MAML3: variants seen among roughly 807,000 people sequenced by gnomAD.
MAML3 encodes the protein mastermind-like protein 3.
In MAML3, 27 loss-of-function variants were observed where a neutral mutation model predicts 101.9. That is an observed-to-expected ratio of 0.27 (90% CI 0.20 to 0.37). MAML3 has a LOEUF of 0.37. Among genes scored for constraint, MAML3 ranks in the 10% least tolerant of loss-of-function variants. MAML3 has a pLI of 1.00. For synonymous variants in MAML3, 501 were observed against 555.9 expected, an observed-to-expected ratio of 0.90 and a Z score of 1.39; for missense variants, 1,316 against 1,444.9, an observed-to-expected ratio of 0.91 and a Z score of 1.45.
chr4:139,749,893 C>CTG (rs200742410), intron 2 of MAML3, among the ~76,000 whole-genome samples: 2 of 141,132 alleles, frequency 1.4e-5, no homozygotes, highest in African/African-American at 5.3e-5. Flanking sequence ...GAACCCCCCC[C>CTG]CACCCTATTC....
At chr4:140,106,876 G>T (rs1437364068) in intron 1 of MAML3, among the ~76,000 whole-genome samples, 1 of 152,100 alleles carries the variant, frequency 6.6e-6, no homozygotes, top group Non-Finnish European at 1.5e-5. Context: ...GGTGGTGTTT[G>T]TTTGTTTTTT....
chr4:139,797,024 A>G (rs572610583), intron 2 of MAML3, among the ~76,000 whole-genome samples: 1 of 152,244 alleles, frequency 6.6e-6, no homozygotes, highest in African/African-American at 2.4e-5. Context: ...GATTGCTGTG[A>G]GGTCTAAAAG....
intron 1 of MAML3, among the ~76,000 whole-genome samples, chr4:140,139,559 G>A (rs1218422766): frequency 6.6e-6 from 1 of 152,124 alleles, no homozygotes; most frequent in Non-Finnish European, 1.5e-5. Flanking sequence ...GTAAGGTTAA[G>A]ATTTGATTTT....
intron 1 of MAML3, among the ~76,000 whole-genome samples, chr4:140,038,844 A>G (rs1316426523): frequency 6.6e-6 from 1 of 152,186 alleles, no homozygotes; most frequent in African/African-American, 2.4e-5. Context: ...TAATACTAAG[A>G]TAAGGCCTGG....
chr4:139,835,370 A>T (rs1275889046), intron 2 of MAML3, among the ~76,000 whole-genome samples: 1 of 152,232 alleles, frequency 6.6e-6, no homozygotes, highest in Non-Finnish European at 1.5e-5. Context: ...GACTAAAGAC[A>T]TGTGAGCTCA....
intron 1 of MAML3, among the ~76,000 whole-genome samples, chr4:139,949,331 T>TA (rs1733793769): frequency 6.6e-6 from 1 of 152,164 alleles, no homozygotes. Context: ...AGAAATTAAT[T>TA]AGTCTCAGAC....
Position 139,890,183 on chromosome 4 carries a change from G to A in MAML3, c.1253C>T (p.Pro418Leu). 6.2e-7 allele frequency: 1 copy of A among 1,613,434 alleles called. No individual in the cohort carries two copies. Among genetic ancestry groups the A allele is most frequent in the East Asian group, 2.2e-5 (1 of 44,890 alleles). Residue 418 changes from proline (P) to leucine (L), a missense_variant, in exon 2 of 5, where the codon CCT (proline) becomes CTT (leucine). Coordinates refer to ENST00000509479, the MANE Select transcript of MAML3 (RefSeq NM_018717.5). The surrounding 1 kb of genome is among the most constrained non-coding windows in gnomAD (Gnocchi z 4.1). ...SSPANCAVQS[P>L]QTPNQAHTPG... is the part of the protein sequence containing the mutation. ...AGTGTGGGCTTGGTTTGGAGTTTGA[G>A]GGGACTGGACAGCACAGTTTGCTGG...
At chr4:140,146,023 GC>G (rs922133301) in intron 1 of MAML3, among the ~76,000 whole-genome samples, 18 of 151,418 alleles carry the variant, frequency 1.2e-4, no homozygotes, top group African/African-American at 4.4e-4. Context: ...ACAGGCGTGT[GC>G]CACCATCCCC....
Position 139,735,011 on chromosome 4 carries a change from CCG to C in MAML3, c.2080-4346_2080-4345del, listed in dbSNP as rs1728877309. 6.6e-6 allele frequency among the ~76,000 whole-genome samples: 1 copy of C among 152,222 alleles called. No homozygotes were observed. The highest frequency in any genetic ancestry group is 1.5e-5 in the Non-Finnish European group (1 of 68,034). ...GTCAGCCCGGCCTCGTGCCCGGCCG[CCG>C]CTGCGCCCGCGCCCCCTCCCCTCGC... On this transcript the variant is annotated intron_variant, in intron 2 of 4. Coordinates refer to ENST00000509479, the MANE Select transcript of MAML3 (RefSeq NM_018717.5). The surrounding 1 kb of genome is among the most constrained non-coding windows in gnomAD (Gnocchi z 5.8).
intron 2 of MAML3, among the ~76,000 whole-genome samples, chr4:139,791,551 G>GA (rs1215826424): frequency 3.4e-5 from 5 of 148,824 alleles, no homozygotes; most frequent in South Asian, 2.1e-4. Context: ...AACTGTCACT[G>GA]ACTTATAAGG....
intron 1 of MAML3, among the ~76,000 whole-genome samples, chr4:139,986,699 A>G (rs1401820806): frequency 6.6e-6 from 1 of 152,078 alleles, no homozygotes; most frequent in East Asian, 1.9e-4. Flanking sequence ...GGTGAACCGG[A>G]GAGCAAACTT....
chr4:139,994,793 G>A (rs564303364), intron 1 of MAML3, among the ~76,000 whole-genome samples: 1 of 151,870 alleles, frequency 6.6e-6, no homozygotes, highest in East Asian at 1.9e-4. Flanking sequence ...GGGGGTGTGT[G>A]TGTGTGTGTG....
intron 2 of MAML3, among the ~76,000 whole-genome samples, chr4:139,836,723 T>C (rs555344210): frequency 6.6e-6 from 1 of 152,244 alleles, no homozygotes; most frequent in South Asian, 2.1e-4. Flanking sequence ...GCCTATGTTG[T>C]TCTTGGTGGA....
chr4:139,989,886 G>C (rs111985109), intron 1 of MAML3, among the ~76,000 whole-genome samples: 122 of 62,978 alleles, frequency 1.9e-3, no homozygotes, highest in South Asian at 4.5e-3. Flanking sequence ...CACACACAGA[G>C]AGAGAGAGAG....
chr4:140,143,269 A>C (rs1428088574), intron 1 of MAML3, among the ~76,000 whole-genome samples: 1 of 152,228 alleles, frequency 6.6e-6, no homozygotes, highest in Non-Finnish European at 1.5e-5. Flanking sequence ...TGCTCAGTAC[A>C]TGTTCAGGAG....
At chr4:139,995,112 T>A (rs1333710680) in intron 1 of MAML3, among the ~76,000 whole-genome samples, 3 of 152,160 alleles carry the variant, frequency 2.0e-5, no homozygotes, top group Admixed American at 6.5e-5. Context: ...TTGGGTTTTG[T>A]CAAATGATTT....
rs954350398 is a variant in MAML3 at position 140,091,586 on chromosome 4, G to A, written c.468+61274C>T. Among the ~76,000 whole-genome samples, 47 of 148,040 alleles carry A rather than the reference G, an allele frequency of 3.2e-4. 1 individual carries two copies. Among genetic ancestry groups the A allele is most frequent in the Admixed American group, 3.0e-3 (45 of 14,812 alleles). On this transcript the variant is annotated intron_variant, in intron 1 of 4. Coordinates refer to ENST00000509479, the MANE Select transcript of MAML3 (RefSeq NM_018717.5). ...CAGGACCAAGGACCAAGCTGCTGAGGCTGAAGGAAACCACATAAACAAAAA... is the reference window on the plus strand; with the variant it reads ...CAGGACCAAGGACCAAGCTGCTGAGACTGAAGGAAACCACATAAACAAAAA...
At chr4:139,825,544 G>T (rs992140636) in intron 2 of MAML3, among the ~76,000 whole-genome samples, 1 of 152,172 alleles carries the variant, frequency 6.6e-6, no homozygotes, top group African/African-American at 2.4e-5. Flanking sequence ...GCAGCACGTT[G>T]GTGGGTGGCA....
intron 1 of MAML3, among the ~76,000 whole-genome samples, chr4:139,996,701 G>GTT (rs1406886948): frequency 6.6e-6 from 1 of 152,030 alleles, no homozygotes; most frequent in Non-Finnish European, 1.5e-5. Context: ...GTGTGTGTGT[G>GTT]TGTGTGTTTT....
Sources: allele counts gnomAD v4.1 joint callset (sites outside exome capture counted in the v4.1 genomes callset), GRCh38; gene constraint gnomAD v4.1.1; non-coding constraint Gnocchi (gnomAD v3.1); transcripts MANE v1.5; gene names NCBI Gene and HGNC (gene_info 2026-07-23, HGNC 2026-07-21).